The following ZHX2 variants were observed in gnomAD, a reference collection of about 807,000 sequenced individuals.
ZHX2 encodes the protein zinc fingers and homeoboxes protein 2.
In ZHX2, 6 loss-of-function variants were observed where a neutral mutation model predicts 21.9. The ratio of observed to expected loss-of-function variants is 0.27; its 90% CI spans 0.15 to 0.54. The LOEUF (loss-of-function observed/expected upper bound fraction) is 0.54. Among genes scored for constraint, ZHX2 ranks in the 20% least tolerant of loss-of-function variants. The probability of loss-of-function intolerance (pLI) is 0.95; values close to 1 mark genes in which losing one functional copy is unlikely to be tolerated. For missense variants in ZHX2, 908 were observed against 1,090.7 expected (o/e 0.83, Z 2.36); for synonymous variants, 434 against 437.1 (o/e 0.99, Z 0.09).
chr8:122,819,093 G>T (rs549711621), intron 1 of ZHX2, among the ~76,000 whole-genome samples: 6 of 152,208 alleles, frequency 3.9e-5, no homozygotes, highest in Non-Finnish European at 4.4e-5. Flanking sequence ...GCAAGGAGCT[G>T]AAGGCCTTCT....
In ZHX2 at chr8:122,953,583, G is replaced by A. The variant is rs1267459477; in HGVS notation, c.2073G>A (p.Met691Ile). The change falls in exon 3 of 4, where the codon ATG (methionine) becomes ATA (isoleucine). Residue 691 changes from methionine (M) to isoleucine (I), a missense_variant. Around this residue, in one of 4 missense-constraint regions of ZHX2, gnomAD observed 431 missense variants for 428.6 expected, o/e 1.01. Coordinates refer to ENST00000314393, the MANE Select transcript of ZHX2 (RefSeq NM_014943.5). This position sits in a 1 kb window ranked among gnomAD's most constrained non-coding sequence, Gnocchi z 4.6. Reference protein sequence around the residue: ...CLLKTGTVKWMEQYQHQPMAD... With the variant: ...CLLKTGTVKWIEQYQHQPMAD... ...TGAAAACGGGAACCGTGAAGTGGATGGAGCAGTACCAGCACCAGCCCATGG... is the reference window on the plus strand; with the variant it reads ...TGAAAACGGGAACCGTGAAGTGGATAGAGCAGTACCAGCACCAGCCCATGG... 2 of 1,614,218 alleles carry A rather than the reference G, an allele frequency of 1.2e-6. No homozygotes were observed. The highest frequency in any genetic ancestry group is 8.5e-7 in the Non-Finnish European group (1 of 1,180,042).
At chr8:122,921,940 A>G (rs144395897) in intron 2 of ZHX2, among the ~76,000 whole-genome samples, 108 of 152,288 alleles carry the variant, frequency 7.1e-4, no homozygotes, top group African/African-American at 2.4e-3. Flanking sequence ...AAAGGATTAA[A>G]AGAGAATTGA....
At chr8:122,799,852 T>G (rs1817682362) in intron 1 of ZHX2, among the ~76,000 whole-genome samples, 1 of 152,222 alleles carries the variant, frequency 6.6e-6, no homozygotes, top group African/African-American at 2.4e-5. Context: ...GCTTTTCTTT[T>G]CTTTTTCTTT....
intron 1 of ZHX2, among the ~76,000 whole-genome samples, chr8:122,833,858 G>A (rs1290270359): frequency 2.0e-5 from 3 of 152,094 alleles, no homozygotes; most frequent in African/African-American, 7.2e-5. Flanking sequence ...TTAGCCGGGC[G>A]TGGTGGTGGG....
At position 122,813,506 on chromosome 8, in the gene ZHX2, G is replaced by A. The variant is rs552111028; in HGVS notation, c.-283+31560G>A. Among the ~76,000 whole-genome samples, 5 of 152,332 alleles carry A rather than the reference G, an allele frequency of 3.3e-5. No homozygotes were observed. In the South Asian group the frequency reaches 1.0e-3, roughly 32 times the overall value. ...AAAGAAGTCGCCAAGTAGATGCCAT[G>A]TCTTATCCCCTCTCTGACACAGAGC... On this transcript the variant is annotated intron_variant, in intron 1 of 3. Coordinates refer to ENST00000314393, the MANE Select transcript of ZHX2 (RefSeq NM_014943.5).
intron 1 of ZHX2, among the ~76,000 whole-genome samples, chr8:122,851,944 G>A (rs898330448): frequency 1.3e-5 from 2 of 152,216 alleles, no homozygotes; most frequent in Non-Finnish European, 2.9e-5. Flanking sequence ...AGTACCAGAA[G>A]GACAGCGGCC....
chr8:122,922,447 C>G (rs1438183017), intron 2 of ZHX2, among the ~76,000 whole-genome samples: 1 of 152,178 alleles, frequency 6.6e-6, no homozygotes, highest in South Asian at 2.1e-4. Context: ...CTGCAGAAAA[C>G]TCATAGCAGA....
intron 1 of ZHX2, among the ~76,000 whole-genome samples, chr8:122,796,760 T>C (rs1244054943): frequency 6.6e-6 from 1 of 152,220 alleles, no homozygotes; most frequent in Non-Finnish European, 1.5e-5. Flanking sequence ...GGGACCTTGC[T>C]TAAATAGTAT....
chr8:122,957,554 G>A (rs533231673), intron 3 of ZHX2, among the ~76,000 whole-genome samples: 7 of 152,168 alleles, frequency 4.6e-5, no homozygotes, highest in East Asian at 1.9e-4. Context: ...CCCAACCTCC[G>A]CCTCCCAGGT....
chr8:122,837,019 A>G (rs1210045827), intron 1 of ZHX2, among the ~76,000 whole-genome samples: 1 of 152,154 alleles, frequency 6.6e-6, no homozygotes, highest in African/African-American at 2.4e-5. Context: ...GATTTTGACC[A>G]GAGTGACCCT....
chr8:122,841,434 G>A (rs1818624266), intron 1 of ZHX2, among the ~76,000 whole-genome samples: 1 of 151,988 alleles, frequency 6.6e-6, no homozygotes, highest in Non-Finnish European at 1.5e-5. Context: ...CCTTGCAGGT[G>A]CCAGACATTT....
chr8:122,954,216 T>G (rs78819393), intron 3 of ZHX2, among the ~76,000 whole-genome samples, 188 bp downstream of exon 3: 4,523 of 152,364 alleles, frequency 0.03, 121 homozygotes, highest in Non-Finnish European at 0.044. Flanking sequence ...TATGTTTACC[T>G]AGTGGGATGG....
chr8:122,841,089 C>CT (rs1228682042), intron 1 of ZHX2, among the ~76,000 whole-genome samples: 1 of 152,180 alleles, frequency 6.6e-6, no homozygotes, highest in Non-Finnish European at 1.5e-5. Context: ...TGGTTCTTGT[C>CT]TTTCTTTCGT....
intron 1 of ZHX2, among the ~76,000 whole-genome samples, chr8:122,840,551 T>G (rs538435379): frequency 1.5e-4 from 23 of 152,332 alleles, no homozygotes; most frequent in African/African-American, 5.5e-4. Context: ...AAAAGTGGCT[T>G]ACATTACACT....
intron 1 of ZHX2, among the ~76,000 whole-genome samples, chr8:122,859,543 G>C (rs1430838621): frequency 2.0e-5 from 3 of 152,116 alleles, no homozygotes; most frequent in African/African-American, 7.2e-5. Context: ...AGCATGATGG[G>C]TTCAAGAAAG....
rs1214305439 is a variant in ZHX2, at chr8:122,973,709, C to T, written c.*472C>T. 2.0e-5 allele frequency: 3 copies of T among 152,378 alleles called. No individual in the cohort carries two copies. In the East Asian group the frequency reaches 5.8e-4, roughly 29 times the overall value. 9.4% of individuals were successfully genotyped at this position (152,378 alleles called of 1,614,324 possible). A position where few individuals can be genotyped will look rare whatever the true frequency, so the allele number is the denominator to read the frequency against. On this transcript the variant is annotated 3_prime_UTR_variant, in exon 4 of 4. Transcript: ENST00000314393. ...GGGGAAAGGGGTGTTAGCATTAGTG[C>T]CATGATATCTACTGGATTTTAAGTA...
intron 1 of ZHX2, among the ~76,000 whole-genome samples, chr8:122,796,156 G>A (rs1010588478): frequency 1.3e-4 from 19 of 148,846 alleles, no homozygotes; most frequent in African/African-American, 4.7e-4. Flanking sequence ...GCACAATGGA[G>A]CGAGACTCCA....
At chr8:122,947,767 G>A (rs903633454) in intron 2 of ZHX2, among the ~76,000 whole-genome samples, 1 of 152,070 alleles carries the variant, frequency 6.6e-6, no homozygotes, top group African/African-American at 2.4e-5. Context: ...CAGAGGTGCT[G>A]TGAGGGGAGT....
intron 2 of ZHX2, among the ~76,000 whole-genome samples, chr8:122,907,137 T>A (rs996750361): frequency 9.2e-5 from 14 of 151,984 alleles, no homozygotes; most frequent in African/African-American, 3.4e-4. Flanking sequence ...AAAATCTGAG[T>A]TCTGTTAATT....
Sources: gnomAD v4.1 joint callset for allele counts (sites outside exome capture counted in the v4.1 genomes callset) on GRCh38, gnomAD v4.1.1 for gene constraint, gnomAD v4.1.1 regional missense constraint, Gnocchi (gnomAD v3.1) non-coding constraint, MANE v1.5 for transcripts, NCBI Gene and HGNC (gene_info 2026-07-23, HGNC 2026-07-21) for gene names.